The following WWOX variants were observed in gnomAD, a reference collection of about 807,000 sequenced individuals.
WWOX encodes WW domain containing oxidoreductase, also known as WW domain-containing oxidoreductase.
A neutral mutation model predicts 46.2 loss-of-function variants in WWOX; 69 were observed. That is an observed-to-expected ratio of 1.49 (90% CI 1.23 to 1.82). The LOEUF is 1.82. Among genes scored for constraint, WWOX ranks in the 40% most tolerant of loss-of-function variants. WWOX has a pLI of 0.00. For missense variants in WWOX, 919 were observed against 542.6 expected, an observed-to-expected ratio of 1.69 and a Z score of -6.89; for synonymous variants, 359 against 202.6, an observed-to-expected ratio of 1.77 and a Z score of -6.56.
chr16:78,368,348 T>G (rs1247332358), intron 5 of WWOX, among the ~76,000 whole-genome samples: 1 of 152,200 alleles, frequency 6.6e-6, no homozygotes, highest in Non-Finnish European at 1.5e-5. Context: ...TAGCCACAAT[T>G]TCCCCACATG....
At chr16:78,442,259 C>T (rs186766903) in intron 8 of WWOX, among the ~76,000 whole-genome samples, 1 of 152,240 alleles carries the variant, frequency 6.6e-6, no homozygotes, top group Non-Finnish European at 1.5e-5. Context: ...ACATAGCTAT[C>T]ATTTTTTGTG....
intron 8 of WWOX, among the ~76,000 whole-genome samples, chr16:78,506,723 T>A (rs2085215759): frequency 1.1e-5 from 1 of 89,182 alleles, no homozygotes; most frequent in African/African-American, 3.9e-5. Context: ...TTTTTTTTTT[T>A]TTTTTGTACA....
intron 6 of WWOX, among the ~76,000 whole-genome samples, chr16:78,399,588 C>G (rs536523969): frequency 6.6e-6 from 1 of 152,174 alleles, no homozygotes; most frequent in African/African-American, 2.4e-5. Flanking sequence ...ACCACCCACG[C>G]AGACATCAAT....
intron 5 of WWOX, among the ~76,000 whole-genome samples, chr16:78,236,434 C>T (rs186047220): frequency 6.2e-4 from 94 of 152,252 alleles, no homozygotes; most frequent in African/African-American, 2.1e-3. Context: ...TTGACAGACA[C>T]ATTAAGAGCT....
intron 8 of WWOX, among the ~76,000 whole-genome samples, chr16:79,083,833 C>G (rs956326287): frequency 9.2e-5 from 14 of 152,180 alleles, no homozygotes; most frequent in African/African-American, 3.4e-4. Flanking sequence ...GTATAGGAGA[C>G]TCTTTTGCCA....
At chr16:78,384,603 C>A (rs1474377583) in intron 5 of WWOX, among the ~76,000 whole-genome samples, 1 of 151,974 alleles carries the variant, frequency 6.6e-6, no homozygotes, top group African/African-American at 2.4e-5. Flanking sequence ...TATAGCAGAC[C>A]CTCTAGCTCT....
At chr16:78,666,144 G>A (rs891593947) in intron 8 of WWOX, among the ~76,000 whole-genome samples, 5 of 152,002 alleles carry the variant, frequency 3.3e-5, no homozygotes, top group Admixed American at 6.6e-5. Context: ...AAAATTAGCC[G>A]AGTGTGGTGG....
intron 5 of WWOX, among the ~76,000 whole-genome samples, chr16:78,208,522 G>A (rs911564188): frequency 6.6e-6 from 1 of 152,112 alleles, no homozygotes; most frequent in South Asian, 2.1e-4. Flanking sequence ...TTTTCTTTTA[G>A]GGTGTCTTTA....
At chr16:78,460,541 A>G (rs181229161) in intron 8 of WWOX, among the ~76,000 whole-genome samples, 2 of 152,162 alleles carry the variant, frequency 1.3e-5, no homozygotes, top group African/African-American at 4.8e-5. Flanking sequence ...ACTGATACCA[A>G]CACCATACTA....
intron 8 of WWOX, among the ~76,000 whole-genome samples, chr16:78,765,394 C>T (rs1013059077): frequency 3.3e-5 from 5 of 152,124 alleles, no homozygotes; most frequent in East Asian, 1.9e-4. Flanking sequence ...ACGTAAGATT[C>T]GGGGCCGGGC....
At chr16:78,761,072 T>C (rs559256157) in intron 8 of WWOX, among the ~76,000 whole-genome samples, 173 of 152,296 alleles carry the variant, frequency 1.1e-3, no homozygotes, top group African/African-American at 3.9e-3. Flanking sequence ...GTAAGAATTA[T>C]GGGAGCTACA....
chr16:78,354,718 G>C (rs1019797686), intron 5 of WWOX, among the ~76,000 whole-genome samples: 1 of 152,008 alleles, frequency 6.6e-6, no homozygotes, highest in African/African-American at 2.4e-5. Context: ...TGTTTTGTTT[G>C]TCATTATGTT....
chr16:78,730,837 A>G (rs995844513), intron 8 of WWOX, among the ~76,000 whole-genome samples: 4 of 152,056 alleles, frequency 2.6e-5, no homozygotes, highest in African/African-American at 9.7e-5. Context: ...GTGGAGAGTC[A>G]TTTCCATTAG....
chr16:79,037,434 T>C (rs897987354), intron 8 of WWOX, among the ~76,000 whole-genome samples: 1 of 152,168 alleles, frequency 6.6e-6, no homozygotes, highest in African/African-American at 2.4e-5. Context: ...TGCTGGGTAC[T>C]AGACTGGGGG....
chr16:78,640,719 G>C (rs2046686685), intron 8 of WWOX, among the ~76,000 whole-genome samples: 1 of 152,080 alleles, frequency 6.6e-6, no homozygotes, highest in African/African-American at 2.4e-5. Flanking sequence ...CAGGCAGATT[G>C]CCTGAGCTCA....
intron 8 of WWOX, among the ~76,000 whole-genome samples, chr16:78,609,083 C>T (rs898507876): frequency 2.0e-5 from 3 of 152,002 alleles, no homozygotes; most frequent in Admixed American, 2.0e-4. Context: ...TGTCAAATAC[C>T]TTTCTGTCCC....
chr16:78,744,265 C>T (rs1377854572), intron 8 of WWOX, among the ~76,000 whole-genome samples: 1 of 152,036 alleles, frequency 6.6e-6, no homozygotes, highest in Non-Finnish European at 1.5e-5. Context: ...AGGCACAGGA[C>T]TTTAGAAACA....
chr16:79,023,749 A>G (rs1201926533), intron 8 of WWOX, among the ~76,000 whole-genome samples: 2 of 149,914 alleles, frequency 1.3e-5, no homozygotes, highest in Non-Finnish European at 3.0e-5. Context: ...GTGATACCCC[A>G]TCTCTACTAA....
chr16:78,449,991 G>C (rs572638682), intron 8 of WWOX, among the ~76,000 whole-genome samples: 284 of 151,472 alleles, frequency 1.9e-3, no homozygotes, highest in Non-Finnish European at 3.2e-3. Context: ...CCTAGGATTT[G>C]TTGTTGTTTT....
Sources: allele counts gnomAD v4.1 joint callset (sites outside exome capture counted in the v4.1 genomes callset), GRCh38; gene constraint gnomAD v4.1.1; transcripts MANE v1.5; gene names NCBI Gene and HGNC (gene_info 2026-07-23, HGNC 2026-07-21).